The following ATP5F1C variants were observed in gnomAD, a reference collection of about 807,000 sequenced individuals.
ATP5F1C encodes the protein ATP synthase F1 subunit gamma.
Under a neutral mutation model 37.4 loss-of-function variants are expected in ATP5F1C, and 22 were observed. The ratio of observed to expected loss-of-function variants is 0.59; its 90% CI spans 0.42 to 0.84. The LOEUF (loss-of-function observed/expected upper bound fraction) is 0.84. ATP5F1C is among the 40% of genes least tolerant of loss of function. The pLI is 0.00. For missense variants in ATP5F1C, 286 were observed against 362.4 expected (o/e 0.79, Z 1.71); for synonymous variants, 121 against 128.0 (o/e 0.95, Z 0.37).
At chr10:7,799,312 CT>C in intron 4 of ATP5F1C, 118 bp downstream of exon 4, 13 of 917,374 alleles carry the variant, frequency 1.4e-5, no homozygotes, top group Non-Finnish European at 1.8e-5. Flanking sequence ...TCTTCAGGGC[CT>C]TTTTTGGTAT....
chr10:7,796,379 A>T, intron 2 of ATP5F1C: 1 of 374,432 alleles, frequency 2.7e-6, no homozygotes, highest in South Asian at 5.5e-5. Flanking sequence ...ATCATGATAT[A>T]ACTAGAAAAA....
At chr10:7,788,878 C>CT (rs1836105156) in intron 1 of ATP5F1C, among the ~76,000 whole-genome samples, 1 of 151,648 alleles carries the variant, frequency 6.6e-6, no homozygotes, top group African/African-American at 2.4e-5. Flanking sequence ...ACAGATCTGT[C>CT]TGAGGGCGGG....
chr10:7,807,182 G>A (rs922431187), intron 9 of ATP5F1C, among the ~76,000 whole-genome samples, 172 bp downstream of exon 9: 3 of 152,190 alleles, frequency 2.0e-5, no homozygotes, highest in Non-Finnish European at 4.4e-5. Context: ...GGACTTTTTT[G>A]TAGTGAGTGT....
At chr10:7,804,343 C>T (rs192559075) in intron 8 of ATP5F1C, among the ~76,000 whole-genome samples, 3 of 152,344 alleles carry the variant, frequency 2.0e-5, no homozygotes, top group East Asian at 1.9e-4. Context: ...CACCAGCACT[C>T]TTCCCAGTCC....
At chr10:7,799,696 T>A in intron 4 of ATP5F1C, 76 bp from the exon 5 acceptor site, 1 of 1,544,134 alleles carries the variant, frequency 6.5e-7, no homozygotes, top group Non-Finnish European at 8.8e-7. Context: ...GACAATGTTT[T>A]CTCCTGCCTG....
At chr10:7,802,118 A>G (rs760615553) in intron 6 of ATP5F1C, 152 bp from the exon 7 acceptor site, 20 of 770,492 alleles carry the variant, frequency 2.6e-5, no homozygotes, top group Non-Finnish European at 3.5e-5. Flanking sequence ...TAGTGTGGAA[A>G]TAGATGACAT....
At chr10:7,791,145 C>G (rs1768750212) in intron 1 of ATP5F1C, among the ~76,000 whole-genome samples, 1 of 151,930 alleles carries the variant, frequency 6.6e-6, no homozygotes, top group South Asian at 2.1e-4. Context: ...ACTAAAAATA[C>G]AAAAATTACC....
At chr10:7,800,907 T>C (rs1421913859) in intron 6 of ATP5F1C, among the ~76,000 whole-genome samples, 1 of 152,250 alleles carries the variant, frequency 6.6e-6, no homozygotes, top group African/African-American at 2.4e-5. Context: ...TCAGTATCTA[T>C]TGAGGTTCAT....
chr10:7,800,318 C>T (rs1836332580), intron 6 of ATP5F1C, among the ~76,000 whole-genome samples: 1 of 152,072 alleles, frequency 6.6e-6, no homozygotes, highest in Admixed American at 6.5e-5. Context: ...GCCTCAGCCT[C>T]CCTAGTACCT....
At chr10:7,806,244 A>T (rs1030952758) in intron 8 of ATP5F1C, among the ~76,000 whole-genome samples, 2 of 152,254 alleles carry the variant, frequency 1.3e-5, no homozygotes, top group African/African-American at 4.8e-5. Flanking sequence ...ATATTTAAAC[A>T]TACTTGGAAA....
Position 7,799,923 on chromosome 10 carries a change from A to G in ATP5F1C, c.572+8A>G. On this transcript the variant is annotated splice_region_variant and intron_variant, in intron 5 of 9. Coordinates refer to ENST00000356708, the MANE Select transcript of ATP5F1C (RefSeq NM_001001973.3). ...CATCTTTAATAAATTCAGGCAAGAC[A>G]GATTTAGAAATCAAAGCTTTTTTAT... is the stretch of plus-strand genomic sequence containing the variant. The G allele has an allele frequency of 6.2e-7, 1 of 1,608,160 alleles. No homozygotes were observed. Among genetic ancestry groups the G allele is most frequent in the East Asian group, 2.2e-5 (1 of 44,838 alleles).
chr10:7,802,718 G>C, intron 7 of ATP5F1C, 40 bp from the exon 8 acceptor site: 1 of 1,583,784 alleles, frequency 6.3e-7, no homozygotes, highest in Non-Finnish European at 8.6e-7. Context: ...TTCTACTCTA[G>C]TTTCAGATTT....
chr10:7,795,219 T>G (rs1836218958), intron 1 of ATP5F1C, among the ~76,000 whole-genome samples: 1 of 152,226 alleles, frequency 6.6e-6, no homozygotes, highest in Non-Finnish European at 1.5e-5. Flanking sequence ...TTCTCACTCT[T>G]TCCTGATCAT....
chr10:7,788,554 G>A (rs1016695509), intron 1 of ATP5F1C, among the ~76,000 whole-genome samples: 5 of 152,244 alleles, frequency 3.3e-5, no homozygotes, highest in African/African-American at 9.6e-5. Context: ...ACGTCTGGGC[G>A]GTCTTGAGTT....
intron 1 of ATP5F1C, among the ~76,000 whole-genome samples, chr10:7,789,946 A>C (rs1000535708): frequency 6.6e-6 from 1 of 152,252 alleles, no homozygotes; most frequent in African/African-American, 2.4e-5. Context: ...CAGCATATAA[A>C]GGTCCTAATC....
At chr10:7,796,517 A>G (rs1836237933) in intron 2 of ATP5F1C, 1 of 170,556 alleles carries the variant, frequency 5.9e-6, no homozygotes, top group African/African-American at 2.4e-5. Flanking sequence ...AATGTATATT[A>G]TTGTCTTATG....
At chr10:7,796,179 A>G (rs776361871) in intron 2 of ATP5F1C, 24 bp downstream of exon 2, 2 of 1,565,758 alleles carry the variant, frequency 1.3e-6, no homozygotes, top group East Asian at 2.3e-5. Context: ...TTGTCTCAAT[A>G]TGTGAATTGA....
chr10:7,791,639 T>G (rs1836166439), intron 1 of ATP5F1C, among the ~76,000 whole-genome samples: 1 of 152,214 alleles, frequency 6.6e-6, no homozygotes, highest in African/African-American at 2.4e-5. Flanking sequence ...CTGTGTTTCT[T>G]AGTCTCCCGA....
intron 4 of ATP5F1C, 142 bp downstream of exon 4, chr10:7,799,336 G>C: frequency 1.4e-6 from 1 of 708,578 alleles, no homozygotes; most frequent in Non-Finnish European, 2.3e-6. Context: ...TCACAAGGGG[G>C]TGTTTGTTTC....
Sources: allele counts gnomAD v4.1 joint callset (sites outside exome capture counted in the v4.1 genomes callset), GRCh38; gene constraint gnomAD v4.1.1; transcripts MANE v1.5; gene names NCBI Gene and HGNC (gene_info 2026-07-23, HGNC 2026-07-21).